The following OTUD4 variants were observed in gnomAD, a reference collection of about 807,000 sequenced individuals.
OTUD4 encodes the protein OTU domain-containing protein 4.
A neutral mutation model predicts 130.4 loss-of-function variants in OTUD4; 24 were observed. The ratio of observed to expected loss-of-function variants is 0.18; its 90% confidence interval spans 0.13 to 0.26. OTUD4 has a LOEUF of 0.26. OTUD4 is among the 10% of genes least tolerant of loss of function. The pLI, the probability that OTUD4 is intolerant of heterozygous loss-of-function variation, is 1.00. For missense variants in OTUD4, 1,031 were observed against 1,329.4 expected (o/e 0.78, Z 3.49); for synonymous variants, 420 against 472.5 (o/e 0.89, Z 1.44).
intron 2 of OTUD4, among the ~76,000 whole-genome samples, chr4:145,173,958 G>T (rs568434775): frequency 6.6e-6 from 1 of 151,792 alleles, no homozygotes; most frequent in African/African-American, 2.4e-5. Context: ...TAAAATTAAG[G>T]GTTCAGCATT....
chr4:145,167,376 T>C (rs1160938178), intron 3 of OTUD4, among the ~76,000 whole-genome samples: 1 of 152,190 alleles, frequency 6.6e-6, no homozygotes, highest in Non-Finnish European at 1.5e-5. Context: ...CAAAATGAAA[T>C]AGGTGCCATA....
chr4:145,138,722 C>T, intron 20 of OTUD4, 72 bp from the exon 21 acceptor site: 2 of 1,375,596 alleles, frequency 1.5e-6, no homozygotes, highest in South Asian at 1.4e-5. Flanking sequence ...TATCAATCTA[C>T]AAGTACTAGG....
chr4:145,153,852 T>C (rs569411573), intron 10 of OTUD4, among the ~76,000 whole-genome samples: 2 of 152,358 alleles, frequency 1.3e-5, no homozygotes, highest in East Asian at 3.9e-4. Context: ...AAAAAATTCT[T>C]TTCTGAACTT....
intron 10 of OTUD4, among the ~76,000 whole-genome samples, chr4:145,154,448 A>G (rs1228639082): frequency 6.6e-6 from 1 of 152,230 alleles, no homozygotes; most frequent in Non-Finnish European, 1.5e-5. Flanking sequence ...TCAAAAAGAA[A>G]TGTTTGCCAG....
At chr4:145,145,126 TAAGA>T (rs1321871045) in intron 14 of OTUD4, among the ~76,000 whole-genome samples, 1 of 152,174 alleles carries the variant, frequency 6.6e-6, no homozygotes, top group African/African-American at 2.4e-5. Flanking sequence ...CCATTCTTAA[TAAGA>T]AAGAAATTTC....
intron 6 of OTUD4, among the ~76,000 whole-genome samples, chr4:145,161,111 A>AAACAACAACAAC (rs70956827): frequency 0.035 from 5,261 of 150,780 alleles, 265 homozygotes; most frequent in African/African-American, 0.12. Context: ...CTCCACCTCA[A>AAACAACAACAAC]AACAACAACA....
rs1217919296 is a variant in OTUD4, at chr4:145,171,785, CT to C, written c.244-66del. Reference sequence around the variant, plus strand: ...TATGCCAAAACAGTTAACCGCTTCGCTGTGTAAACATTCACTGTGAATTACT... The same window carrying C: ...TATGCCAAAACAGTTAACCGCTTCGCGTGTAAACATTCACTGTGAATTACT... On this transcript the variant is annotated intron_variant, in intron 2 of 20. Coordinates refer to ENST00000447906, the MANE Select transcript of OTUD4 (RefSeq NM_001366057.1). 3 of 784,264 alleles carry C rather than the reference CT, an allele frequency of 3.8e-6. No homozygotes were observed. The Admixed American group carries it at 5.9e-5, about 15-fold the overall frequency. The allele number at this position is 784,264 out of a possible 1,614,324, so 48.6% of individuals were successfully genotyped here.
chr4:145,155,717 A>G (rs1423125597), intron 8 of OTUD4, 31 bp from the exon 9 acceptor site: 5 of 1,376,806 alleles, frequency 3.6e-6, no homozygotes, highest in South Asian at 1.3e-5. Flanking sequence ...CAATCAACAC[A>G]TAAGTGCTTT....
chr4:145,156,705 C>T (rs1048736378), intron 7 of OTUD4, among the ~76,000 whole-genome samples: 3 of 151,844 alleles, frequency 2.0e-5, no homozygotes, highest in African/African-American at 7.3e-5. Context: ...AAATACTCTA[C>T]GTCAAATAAT....
Position 145,144,384 on chromosome 4 carries a change from C to G in OTUD4, c.1473G>C (p.Gln491His), listed in dbSNP as rs1379807954. Residue 491 changes from glutamine (Q) to histidine (H), a missense_variant, in exon 15 of 21, where the codon CAG becomes CAC. By Grantham distance (24) the Gln-to-His change is conservative. Coordinates refer to ENST00000447906, the MANE Select transcript of OTUD4 (RefSeq NM_001366057.1). ...TATCACCTACATGTGATGATTTTCT[C>G]TGGACACATGGATTGCTACTCTGAG... ...SASQSSNPCV[Q>H]RKSSHVGDRK... The G allele has an allele frequency of 1.2e-6, 2 of 1,612,542 alleles. No individual in the cohort carries two copies.
rs566781404 is a variant in OTUD4 at position 145,141,172 on chromosome 4, A to G, written c.2083+207T>C. On this transcript the variant is annotated intron_variant, in intron 19 of 20. Transcript: ENST00000447906. The stretch of plus-strand genomic sequence containing the variant: ...TGACAGAGCGAGACTCCGTCTCAAA[A>G]AAAAAAAAAAAAAAAAATTATAATA... Among the ~76,000 whole-genome samples the G allele has an allele frequency of 6.6e-5, 10 of 151,174 alleles. No homozygotes were observed. The East Asian group carries it at 1.9e-3, about 29-fold the overall frequency.
Position 145,150,924 on chromosome 4 carries a change from T to C in OTUD4, c.969-19A>G. ...TGTGTGCCTTCAAAGGGGAAAAGAC[T>C]TGTGATAGCTTAAAATACCCTAGTA... On this transcript the variant is annotated intron_variant, in intron 11 of 20. Transcript: ENST00000447906. 1 of 1,498,040 alleles carries C rather than the reference T, an allele frequency of 6.7e-7. No individual in the cohort carries two copies. Among genetic ancestry groups the C allele is most frequent in the Non-Finnish European group, 9.2e-7 (1 of 1,083,386 alleles). The allele number at this position is 1,498,040 out of a possible 1,614,324, so 92.8% of individuals were successfully genotyped here. A position where few individuals can be genotyped will look rare whatever the true frequency, so the allele number is the denominator to read the frequency against.
At chr4:145,171,459 T>C (rs1396639822) in intron 3 of OTUD4, 1 of 450,596 alleles carries the variant, frequency 2.2e-6, no homozygotes, top group African/African-American at 2.0e-5. Flanking sequence ...CAAGATAAAA[T>C]ATCACAACTC....
Position 145,152,597 on chromosome 4 carries a change from A to G in OTUD4, c.912T>C (p.Asp304=), listed in dbSNP as rs776455372. 2.5e-6 allele frequency: 4 copies of G among 1,612,242 alleles called. No individual in the cohort carries two copies. The African/African-American group carries it at 4.0e-5, about 16-fold the overall frequency. ...CATTCTCAGAATGAATTCCTTGAACATCTGCATTCAAAAATTTTCCATTGT... is the reference window on the plus strand; with the variant it reads ...CATTCTCAGAATGAATTCCTTGAACGTCTGCATTCAAAAATTTTCCATTGT... ...LDHNGKFLNA[D]VQGIHSENGP... is the part of the protein sequence containing the mutation. Residue 304 remains aspartate, a synonymous_variant, in exon 11 of 21, where the codon GAT becomes GAC. Transcript: ENST00000447906.
chr4:145,159,858 G>C (rs1751471327), intron 6 of OTUD4, among the ~76,000 whole-genome samples: 1 of 152,176 alleles, frequency 6.6e-6, no homozygotes, highest in African/African-American at 2.4e-5. Context: ...AATCGCAAAA[G>C]ACAGTGCCAT....
At chr4:145,156,548 T>C (rs1240255603) in intron 7 of OTUD4, among the ~76,000 whole-genome samples, 1 of 152,018 alleles carries the variant, frequency 6.6e-6, no homozygotes, top group Non-Finnish European at 1.5e-5. Context: ...CTGGGCGTAG[T>C]GGCACATGGC....
intron 7 of OTUD4, among the ~76,000 whole-genome samples, chr4:145,156,542 G>C (rs1751301219): frequency 6.6e-6 from 1 of 152,098 alleles, no homozygotes; most frequent in Admixed American, 6.5e-5. Flanking sequence ...AATTAGCTGG[G>C]CGTAGTGGCA....
intron 1 of OTUD4, among the ~76,000 whole-genome samples, chr4:145,176,253 G>T (rs556963177): frequency 6.6e-6 from 1 of 150,858 alleles, no homozygotes; most frequent in African/African-American, 2.4e-5. Flanking sequence ...CTATTACTGG[G>T]TATCTCAAAT....
At chr4:145,157,608 C>T (rs1424403695) in intron 7 of OTUD4, among the ~76,000 whole-genome samples, 1 of 149,920 alleles carries the variant, frequency 6.7e-6, no homozygotes, top group Non-Finnish European at 1.5e-5. Context: ...CGCTTGAACC[C>T]GCGAGGCGGA....
Sources: allele counts gnomAD v4.1 joint callset (sites outside exome capture counted in the v4.1 genomes callset), GRCh38; gene constraint gnomAD v4.1.1; transcripts MANE v1.5; gene names NCBI Gene and HGNC (gene_info 2026-07-23, HGNC 2026-07-21).